The following BPTF variants were observed in gnomAD, a reference collection of about 807,000 sequenced individuals.
BPTF encodes nucleosome-remodeling factor subunit BPTF.
BPTF carries 18 observed loss-of-function variants against 292.5 expected under a neutral mutation model. The ratio of observed to expected loss-of-function variants is 0.06; its 90% CI spans 0.04 to 0.09. BPTF has a LOEUF of 0.09. BPTF is among the 10% of genes least tolerant of loss of function. BPTF has a pLI of 1.00. For missense variants in BPTF, 2,726 were observed against 3,498.7 expected, an observed-to-expected ratio of 0.78 and a Z score of 5.57; for synonymous variants, 1,225 against 1,251.9, an observed-to-expected ratio of 0.98 and a Z score of 0.45.
At chr17:67,967,707 T>C (rs2068280720) in intron 26 of BPTF, among the ~76,000 whole-genome samples, 2 of 151,536 alleles carry the variant, frequency 1.3e-5, no homozygotes. Context: ...TAATCCCAGC[T>C]GCTAAGGAGG....
intron 11 of BPTF, among the ~76,000 whole-genome samples, chr17:67,917,507 C>G (rs1015876191): frequency 1.3e-4 from 20 of 152,152 alleles, no homozygotes; most frequent in Middle Eastern, 3.4e-3. Flanking sequence ...TTAGTATTAA[C>G]TTTATTCATC....
At chr17:67,926,456 C>G (rs1283399758) in intron 15 of BPTF, among the ~76,000 whole-genome samples, 1 of 150,204 alleles carries the variant, frequency 6.7e-6, no homozygotes, top group Non-Finnish European at 1.5e-5. Context: ...TCCCGAGTAA[C>G]TGTGACTATA....
intron 2 of BPTF, among the ~76,000 whole-genome samples, chr17:67,864,092 T>C (rs906915879): frequency 5.3e-5 from 8 of 152,138 alleles, no homozygotes; most frequent in African/African-American, 9.7e-5. Flanking sequence ...CCAGAGCTTC[T>C]ACAGAACCAC....
chr17:67,847,929 G>GCA (rs1481068833), intron 1 of BPTF, among the ~76,000 whole-genome samples: 1 of 152,112 alleles, frequency 6.6e-6, no homozygotes, highest in Non-Finnish European at 1.5e-5. Flanking sequence ...TCTTCTTGAT[G>GCA]TGCCATTCAT....
At chr17:67,956,640 ATAAAAT>A (rs1488764145) in intron 23 of BPTF, 1 of 151,264 alleles carries the variant, frequency 6.6e-6, no homozygotes, top group Admixed American at 6.6e-5. Flanking sequence ...AGAAGGAAAA[ATAAAAT>A]TAATTCAGTT....
intron 23 of BPTF, among the ~76,000 whole-genome samples, chr17:67,951,923 C>T (rs1404654975): frequency 6.6e-6 from 1 of 151,624 alleles, no homozygotes; most frequent in Non-Finnish European, 1.5e-5. Flanking sequence ...GGCATGGTGG[C>T]GCACAACTGT....
intron 17 of BPTF, among the ~76,000 whole-genome samples, chr17:67,930,637 A>G (rs2064297311): frequency 6.6e-6 from 1 of 152,170 alleles, no homozygotes; most frequent in South Asian, 2.1e-4. Flanking sequence ...AATACTTTCT[A>G]GTTTCCCTTT....
At chr17:67,930,995 G>T (rs892877721) in intron 17 of BPTF, among the ~76,000 whole-genome samples, 1 of 151,550 alleles carries the variant, frequency 6.6e-6, no homozygotes, top group African/African-American at 2.4e-5. Context: ...GGCCGGATGC[G>T]GTGGCTCACA....
chr17:67,856,413 G>A (rs752664029), intron 2 of BPTF, among the ~76,000 whole-genome samples: 1 of 151,946 alleles, frequency 6.6e-6, no homozygotes, highest in African/African-American at 2.4e-5. Flanking sequence ...CTCTGTGCAT[G>A]GTCTGTTTCT....
At chr17:67,937,831 C>T (rs2065043098) in intron 18 of BPTF, among the ~76,000 whole-genome samples, 1 of 152,136 alleles carries the variant, frequency 6.6e-6, no homozygotes, top group African/African-American at 2.4e-5. Context: ...AAGATGAGAT[C>T]CGGCCGGGTA....
At chr17:67,888,941 T>C (rs1300043636) in intron 4 of BPTF, among the ~76,000 whole-genome samples, 2 of 152,208 alleles carry the variant, frequency 1.3e-5, no homozygotes, top group Non-Finnish European at 2.9e-5. Context: ...CACTCACTTG[T>C]AGATTCCTAG....
At chr17:67,904,138 C>G (rs959879319) in intron 8 of BPTF, among the ~76,000 whole-genome samples, 1 of 152,212 alleles carries the variant, frequency 6.6e-6, no homozygotes, top group Non-Finnish European at 1.5e-5. Flanking sequence ...AAACGATTCT[C>G]CTGCCTCAGC....
Position 67,909,514 on chromosome 17 carries a change from A to G in BPTF, c.2813-68A>G, listed in dbSNP as rs1052946029. ...TGGAAATTACTTGTTTATTTTCACT[A>G]AACTTGACATATTAAAGTGCTAATA... On this transcript the variant is annotated intron_variant, in intron 9 of 27. Coordinates refer to ENST00000306378, the MANE Select transcript of BPTF (RefSeq NM_182641.4). The G allele has an allele frequency of 4.1e-5, 43 of 1,038,658 alleles. No individual in the cohort carries two copies. In the African/African-American group the frequency reaches 6.0e-4, roughly 15 times the overall value. 64.3% of individuals were successfully genotyped at this position (1,038,658 alleles called of 1,614,324 possible).
intron 26 of BPTF, among the ~76,000 whole-genome samples, chr17:67,971,923 A>G (rs1171714341): frequency 1.3e-5 from 2 of 151,912 alleles, no homozygotes; most frequent in Non-Finnish European, 1.5e-5. Context: ...TGTCTGCGCT[A>G]TTGGAAAACA....
chr17:67,854,359 C>T lies in BPTF; in HGVS notation c.1033C>T (p.Pro345Ser), dbSNP rs2058579087. The T allele has an allele frequency of 6.2e-7, 1 of 1,614,166 alleles. No homozygotes were observed. The highest frequency in any genetic ancestry group is 2.2e-5 in the East Asian group (1 of 44,888). ...TGATAAGGAGTACCATCACGTTCTT[C>T]CTTACCAAGAGGCAGAGGACTACCC... is the stretch of plus-strand genomic sequence containing the variant. ...ESDKEYHHVL[P>S]YQEAEDYPYG... Residue 345 changes from proline to serine, a missense_variant, in exon 2 of 28, where the codon CCT (proline) becomes TCT (serine). This residue lies in a region of BPTF where 102 missense variants were observed against 212.6 expected (regional missense o/e 0.48). Coordinates refer to ENST00000306378, the MANE Select transcript of BPTF (RefSeq NM_182641.4). This position sits in a 1 kb window ranked among gnomAD's most constrained non-coding sequence, Gnocchi z 5.6.
intron 23 of BPTF, 64 bp downstream of exon 23, chr17:67,948,370 C>G (rs2065968539): frequency 1.7e-5 from 24 of 1,420,584 alleles, no homozygotes; most frequent in African/African-American, 4.3e-5. Context: ...GCTTTTTTCC[C>G]TTGCCTTTTT....
chr17:67,831,849 T>A (rs2056711896), intron 1 of BPTF, among the ~76,000 whole-genome samples: 1 of 152,110 alleles, frequency 6.6e-6, no homozygotes, highest in African/African-American at 2.4e-5. Context: ...TTACGGTGGT[T>A]ATGATCTCAG....
intron 9 of BPTF, among the ~76,000 whole-genome samples, chr17:67,909,248 G>A (rs529676253): frequency 1.2e-3 from 175 of 150,556 alleles, no homozygotes; most frequent in African/African-American, 3.9e-3. Context: ...GAGTGCAGTG[G>A]CATGAGCCAC....
Position 67,825,824 on chromosome 17 carries a change from G to T in BPTF, c.100G>T (p.Gly34Ter). ...PPPPPPPPTS[G>*]PIGGLRSRHR... ...GCCACCGCCGCCGCCGCCCACGTCC[G>T]GACCCATCGGGGGGCTCCGCTCGCG... is the stretch of plus-strand genomic sequence containing the variant. The change falls in exon 1 of 28, where the codon GGA becomes TGA. Residue 34 changes from glycine to a stop codon, truncating the protein, a stop_gained. Transcript: ENST00000306378. LOFTEE classifies it high-confidence loss of function. 1 of 1,020,468 alleles carries T rather than the reference G, an allele frequency of 9.8e-7. No homozygotes were observed. The highest frequency in any genetic ancestry group is 1.2e-6 in the Non-Finnish European group (1 of 854,846). The allele number at this position is 1,020,468 out of a possible 1,614,324, so 63.2% of individuals were successfully genotyped here. A position where few individuals can be genotyped will look rare whatever the true frequency, so the allele number is the denominator to read the frequency against.
Sources: gnomAD v4.1 joint callset for allele counts (sites outside exome capture counted in the v4.1 genomes callset) on GRCh38, gnomAD v4.1.1 for gene constraint, gnomAD v4.1.1 regional missense constraint, Gnocchi (gnomAD v3.1) non-coding constraint, MANE v1.5 for transcripts, NCBI Gene and HGNC (gene_info 2026-07-23, HGNC 2026-07-21) for gene names.